MED16: variants seen among roughly 807,000 people sequenced by gnomAD.
MED16 encodes mediator of RNA polymerase II transcription subunit 16.
In MED16, 81 loss-of-function variants were observed where a neutral mutation model predicts 84.4. The observed-to-expected ratio is 0.96, with a 90% CI of 0.80 to 1.15. The LOEUF (loss-of-function observed/expected upper bound fraction) is 1.15, where lower values mean the gene tolerates loss of function less well. Ranked by LOEUF, MED16 falls within the 50% of genes most tolerant of loss-of-function variation. The pLI is 0.00. For missense variants in MED16, 1,585 were observed against 1,245.9 expected, an observed-to-expected ratio of 1.27 and a Z score of -4.10; for synonymous variants, 897 against 552.2, an observed-to-expected ratio of 1.62 and a Z score of -8.76.
chr19:886,730 C>T (rs2145247774), intron 4 of MED16, among the ~76,000 whole-genome samples: 1 of 152,348 alleles, frequency 6.6e-6, no homozygotes, highest in East Asian at 1.9e-4. Context: ...TTTGTCAAGT[C>T]ATTATTGACA....
rs369340119 is a variant in MED16, at chr19:885,800, G to C, written c.849C>G (p.Leu283=). ...CCGACATGTCCCGGGCCAGGAACTT[G>C]AGGTGGGTGATGGCGGGAAACTTGT... The part of the protein sequence containing the change: ...RKDKFPAITH[L]KFLARDMSEQ... Residue 283 remains leucine, a synonymous_variant, in exon 5 of 16, where the codon CTC becomes CTG. Coordinates refer to ENST00000325464, the MANE Select transcript of MED16 (RefSeq NM_005481.3). 2.5e-6 allele frequency: 4 copies of C among 1,611,956 alleles called. No individual in the cohort carries two copies. The highest frequency in any genetic ancestry group is 2.2e-5 in the East Asian group (1 of 44,874).
chr19:874,029 GAACT>G (rs2036166973), intron 10 of MED16, among the ~76,000 whole-genome samples: 4 of 152,310 alleles, frequency 2.6e-5, no homozygotes, highest in African/African-American at 4.8e-5. Flanking sequence ...TGGTCCCACA[GAACT>G]AACCATGACT....
At chr19:886,769 T>A (rs1053237953) in intron 4 of MED16, among the ~76,000 whole-genome samples, 1 of 152,236 alleles carries the variant, frequency 6.6e-6, no homozygotes, top group Non-Finnish European at 1.5e-5. Flanking sequence ...TCTTTCAACG[T>A]GAGTCTTTTA....
intron 1 of MED16, among the ~76,000 whole-genome samples, chr19:891,420 G>A (rs1389732885): frequency 1.3e-5 from 2 of 152,246 alleles, no homozygotes. Flanking sequence ...CCCTCTGGCT[G>A]TCTAGGGAAC....
At position 870,940 on chromosome 19, in the gene MED16, G is replaced by A. The variant is rs1386736554; in HGVS notation, c.2315+97C>T. On this transcript the variant is annotated intron_variant, in intron 13 of 15. Transcript: ENST00000325464. Reference sequence around the variant, plus strand: ...GTGGATTCGGGGGGACCTGGGGCAGGACATGCAGGGAGGGAGCCGTGTGGA... The same window carrying A: ...GTGGATTCGGGGGGACCTGGGGCAGAACATGCAGGGAGGGAGCCGTGTGGA... The A allele has an allele frequency of 4.0e-6, 5 of 1,250,876 alleles. No individual in the cohort carries two copies. In the African/African-American group the frequency reaches 7.6e-5, roughly 19 times the overall value. The allele number at this position is 1,250,876 out of a possible 1,614,324, so 77.5% of individuals were successfully genotyped here.
chr19:880,807 G>C (rs192917820), intron 7 of MED16, among the ~76,000 whole-genome samples: 7 of 152,138 alleles, frequency 4.6e-5, no homozygotes, highest in Admixed American at 4.6e-4. Flanking sequence ...TGTAGTCCCA[G>C]CTACTCGGGA....
At chr19:871,510 G>C in intron 12 of MED16, 1 of 1,532,092 alleles carries the variant, frequency 6.5e-7, no homozygotes, top group Non-Finnish European at 8.8e-7. Context: ...TATGTGGGAA[G>C]CACTGTGCCT....
chr19:878,565 C>G (rs537731026), intron 8 of MED16, among the ~76,000 whole-genome samples: 2 of 34,608 alleles, frequency 5.8e-5, no homozygotes, highest in African/African-American at 1.1e-4. Context: ...CAGCCCCAGC[C>G]CCAGCCCCAC....
chr19:887,961 G>C (rs1329285889), intron 4 of MED16, among the ~76,000 whole-genome samples: 1 of 152,090 alleles, frequency 6.6e-6, no homozygotes, highest in Non-Finnish European at 1.5e-5. Flanking sequence ...CCAGCACTTT[G>C]GGAGGCCAAG....
chr19:882,213 G>C (rs984190957), intron 6 of MED16, among the ~76,000 whole-genome samples: 2 of 152,228 alleles, frequency 1.3e-5, no homozygotes, highest in African/African-American at 4.8e-5. Flanking sequence ...CCAAGCCTTA[G>C]CAAATGTGAC....
In MED16 at chr19:871,122, G is replaced by C; in HGVS notation, c.2230C>G (p.Pro744Ala). The change falls in exon 13 of 16, where the codon CCC becomes GCC. Residue 744 changes from proline to alanine, a missense_variant. Physicochemically the swap from Pro to Ala is conservative, Grantham distance 27. Coordinates refer to ENST00000325464, the MANE Select transcript of MED16 (RefSeq NM_005481.3). ...AACTGCAGACGAAGGGGCTGCTTGG[G>C]CTGCAGGCGGCTAACCAGGCCGTCG... ...ASDGLVSRLQ[P>A]KQPLRLQFGR... 6.5e-7 allele frequency: 1 copy of C among 1,548,584 alleles called. No homozygotes were observed. The highest frequency in any genetic ancestry group is 8.7e-7 in the Non-Finnish European group (1 of 1,145,900).
intron 4 of MED16, among the ~76,000 whole-genome samples, chr19:886,695 G>A (rs911039007): frequency 5.9e-5 from 9 of 152,204 alleles, no homozygotes; most frequent in Admixed American, 2.0e-4. Context: ...CGGCTGCTGC[G>A]GGCACTATTT....
intron 12 of MED16, 27 bp from the exon 13 acceptor site, chr19:871,280 A>C: frequency 1.3e-6 from 2 of 1,520,144 alleles, no homozygotes; most frequent in Non-Finnish European, 1.8e-6. Context: ...CGGAAGTCTC[A>C]GCACCCCTGA....
chr19:874,009 G>C (rs1018644426), intron 10 of MED16, among the ~76,000 whole-genome samples: 9 of 152,210 alleles, frequency 5.9e-5, no homozygotes, highest in African/African-American at 2.2e-4. Flanking sequence ...CTCTCGGATG[G>C]TGACTAGGGT....
At chr19:871,518 C>T (rs2036054598) in intron 12 of MED16, 5 of 1,552,742 alleles carry the variant, frequency 3.2e-6, no homozygotes, top group South Asian at 2.3e-5. Context: ...AAGCACTGTG[C>T]CTTTTCCAGA....
At position 877,102 on chromosome 19, in the gene MED16, G is replaced by T; in HGVS notation, c.1432C>A (p.Leu478Met). The change falls in exon 9 of 16, where the codon CTG (leucine) becomes ATG (methionine). Residue 478 changes from leucine (L) to methionine (M), a missense_variant. By Grantham distance (15) the Leu-to-Met change is conservative (BLOSUM62 2). Transcript: ENST00000325464. ...TAGCCGGTCACCATGCAGTACTCCA[G>T]CAGGAAGAGCAGGTGCCGCAGCGCC... is the stretch of plus-strand genomic sequence containing the variant. Reference protein sequence around the residue: ...GLALRHLLFLLEYCMVTGYDW... With the variant: ...GLALRHLLFLMEYCMVTGYDW... 2.5e-6 allele frequency: 4 copies of T among 1,612,630 alleles called. No individual in the cohort carries two copies. The highest frequency in any genetic ancestry group is 3.4e-6 in the Non-Finnish European group (4 of 1,179,882).
chr19:874,368 T>C (rs1325831977), intron 10 of MED16, among the ~76,000 whole-genome samples: 1 of 152,136 alleles, frequency 6.6e-6, no homozygotes, highest in Non-Finnish European at 1.5e-5. Flanking sequence ...CGCGTTGGCC[T>C]CCCAAAGTGC....
At chr19:873,276 T>G (rs1426386273) in intron 11 of MED16, among the ~76,000 whole-genome samples, 173 bp downstream of exon 11, 1 of 50,184 alleles carries the variant, frequency 2.0e-5, no homozygotes, top group Non-Finnish European at 4.2e-5. Context: ...GGGGCTGAGG[T>G]GGGACTCCAA....
intron 9 of MED16, 150 bp downstream of exon 9, chr19:876,824 G>GGCCCCTGCCTGCCACAGGGACA (rs2036242960): frequency 1.4e-6 from 1 of 725,054 alleles, no homozygotes; most frequent in Non-Finnish European, 2.2e-6. Context: ...CTGACCACGG[G>GGCCCCTGCCTGCCACAGGGACA]GCCCCTGCCT....
Sources: gnomAD v4.1 joint callset for allele counts (sites outside exome capture counted in the v4.1 genomes callset) on GRCh38, gnomAD v4.1.1 for gene constraint, MANE v1.5 for transcripts, NCBI Gene and HGNC (gene_info 2026-07-23, HGNC 2026-07-21) for gene names.